TPST2: variants seen among roughly 807,000 people sequenced by gnomAD.
TPST2 encodes tyrosylprotein sulfotransferase 2.
TPST2 carries 16 observed loss-of-function variants against 27.8 expected under a neutral mutation model. The observed-to-expected ratio is 0.58, with a 90% CI of 0.39 to 0.88. The LOEUF is 0.88. TPST2 is among the 40% of genes least tolerant of loss of function. The probability of loss-of-function intolerance (pLI) is 0.00; values close to 1 mark genes in which losing one functional copy is unlikely to be tolerated. For missense variants in TPST2, 464 were observed against 543.1 expected, an observed-to-expected ratio of 0.85 and a Z score of 1.45; for synonymous variants, 229 against 231.7, an observed-to-expected ratio of 0.99 and a Z score of 0.10.
At chr22:26,558,736 G>A (rs1308353650) in intron 1 of TPST2, among the ~76,000 whole-genome samples, 1 of 152,222 alleles carries the variant, frequency 6.6e-6, no homozygotes, top group Non-Finnish European at 1.5e-5. Context: ...AACAGGGTGA[G>A]GCAAGCAGGG....
At chr22:26,536,141 G>GTAGT (rs1224342718) in intron 4 of TPST2, 147 bp downstream of exon 4, 2 of 1,089,574 alleles carry the variant, frequency 1.8e-6, no homozygotes, top group Admixed American at 4.0e-5. Flanking sequence ...AAGCAATCAT[G>GTAGT]TAGTTCACTG....
At chr22:26,544,057 C>T (rs922391662) in intron 2 of TPST2, among the ~76,000 whole-genome samples, 1 of 152,216 alleles carries the variant, frequency 6.6e-6, no homozygotes, top group Non-Finnish European at 1.5e-5. Context: ...GGGCTTCTAA[C>T]TTGGAGTACT....
At chr22:26,534,944 C>A (rs552564009) in intron 4 of TPST2, among the ~76,000 whole-genome samples, 2 of 152,146 alleles carry the variant, frequency 1.3e-5, no homozygotes, top group South Asian at 2.1e-4. Flanking sequence ...CTGGTATGTA[C>A]GTTGAATCTC....
chr22:26,527,473 CAG>C (rs1341772863), intron 6 of TPST2, among the ~76,000 whole-genome samples: 3 of 152,192 alleles, frequency 2.0e-5, no homozygotes, highest in Admixed American at 6.5e-5. Flanking sequence ...ATGAAGAAAA[CAG>C]GGGCTGAAGG....
chr22:26,581,404 G>A (rs928055133), intron 1 of TPST2, among the ~76,000 whole-genome samples: 7 of 152,160 alleles, frequency 4.6e-5, no homozygotes, highest in Non-Finnish European at 1.0e-4. Context: ...CCAGCACAGG[G>A]TGCACAGGTA....
chr22:26,588,337 C>T (rs1928422181), intron 1 of TPST2, among the ~76,000 whole-genome samples: 1 of 152,088 alleles, frequency 6.6e-6, no homozygotes, highest in South Asian at 2.1e-4. Context: ...CCAGCACAGG[C>T]AAATTCATAG....
chr22:26,543,009 T>C (rs754231720), intron 2 of TPST2: 1 of 152,250 alleles, frequency 6.6e-6, no homozygotes, highest in Non-Finnish European at 1.5e-5. Flanking sequence ...TGGAAACTGC[T>C]AAGAGGCTAG....
At chr22:26,568,876 T>C (rs1266537791) in intron 1 of TPST2, among the ~76,000 whole-genome samples, 2 of 8,982 alleles carry the variant, frequency 2.2e-4, no homozygotes, top group East Asian at 5.9e-3. Context: ...TTTTTTTTTT[T>C]TTTTTTGAGA....
At chr22:26,536,056 TTA>T in intron 4 of TPST2, 1 of 688,410 alleles carries the variant, frequency 1.5e-6, no homozygotes, top group Non-Finnish European at 2.7e-6. Context: ...TGGCCTGCTG[TTA>T]GATGTTAGAG....
intron 1 of TPST2, among the ~76,000 whole-genome samples, chr22:26,546,817 T>G (rs1926150997): frequency 6.6e-6 from 1 of 152,224 alleles, no homozygotes; most frequent in Non-Finnish European, 1.5e-5. Context: ...ACCCAGGGCC[T>G]GTTTTCAAAT....
intron 3 of TPST2, among the ~76,000 whole-genome samples, chr22:26,540,371 G>A (rs1398144598): frequency 1.3e-5 from 2 of 152,152 alleles, no homozygotes; most frequent in Non-Finnish European, 1.5e-5. Context: ...AGGCTGAGGT[G>A]GAAGAACTGC....
intron 1 of TPST2, among the ~76,000 whole-genome samples, chr22:26,568,387 G>C (rs1300498534): frequency 6.6e-6 from 1 of 152,152 alleles, no homozygotes; most frequent in African/African-American, 2.4e-5. Context: ...AGACCTGCTG[G>C]GTTGCATTCC....
intron 1 of TPST2, among the ~76,000 whole-genome samples, chr22:26,571,303 T>C (rs1453948059): frequency 6.6e-6 from 1 of 152,168 alleles, no homozygotes; most frequent in African/African-American, 2.4e-5. Context: ...AACATCCACT[T>C]GGCTCACTCT....
intron 3 of TPST2, among the ~76,000 whole-genome samples, chr22:26,537,827 C>T (rs1925559382): frequency 6.6e-6 from 1 of 152,176 alleles, no homozygotes; most frequent in Admixed American, 6.6e-5. Flanking sequence ...CACACACACA[C>T]ACAAACGCGC....
At chr22:26,585,289 C>T (rs1368245955) in intron 1 of TPST2, among the ~76,000 whole-genome samples, 1 of 152,180 alleles carries the variant, frequency 6.6e-6, no homozygotes, top group Non-Finnish European at 1.5e-5. Context: ...CATCTGAGCA[C>T]ATAGGATAAG....
At chr22:26,556,683 G>A (rs896146594) in intron 1 of TPST2, among the ~76,000 whole-genome samples, 10 of 152,078 alleles carry the variant, frequency 6.6e-5, no homozygotes, top group Non-Finnish European at 1.3e-4. Flanking sequence ...CTAGGCCCCC[G>A]AATGCAGCCT....
intron 2 of TPST2, among the ~76,000 whole-genome samples, chr22:26,542,208 C>T (rs1425597598): frequency 6.7e-6 from 1 of 149,978 alleles, no homozygotes; most frequent in Admixed American, 6.7e-5. Context: ...CGCCACTGCA[C>T]TCCAGCGTGG....
intron 1 of TPST2, among the ~76,000 whole-genome samples, chr22:26,578,002 T>C (rs910173920): frequency 2.0e-5 from 3 of 152,126 alleles, no homozygotes; most frequent in Admixed American, 6.5e-5. Context: ...CATTATCATG[T>C]AGCTGGAGGA....
chr22:26,561,505 C>T (rs9608503), intron 1 of TPST2, among the ~76,000 whole-genome samples: 59,228 of 151,852 alleles, frequency 0.39, 11,805 homozygotes, highest in East Asian at 0.52. Flanking sequence ...GCAGCTTATA[C>T]GAAATAATTA....
Sources: allele counts gnomAD v4.1 joint callset (sites outside exome capture counted in the v4.1 genomes callset), GRCh38; gene constraint gnomAD v4.1.1; transcripts MANE v1.5; gene names NCBI Gene and HGNC (gene_info 2026-07-23, HGNC 2026-07-21).